The following HDAC1 variants were observed in gnomAD, a reference collection of about 807,000 sequenced individuals.
HDAC1 encodes the protein protein deacetylase HDAC1.
A neutral mutation model predicts 65.5 loss-of-function variants in HDAC1; 18 were observed. The ratio of observed to expected loss-of-function variants is 0.27; its 90% CI spans 0.19 to 0.41. The LOEUF is 0.41. HDAC1 is among the 10% of genes least tolerant of loss of function. The pLI is 1.00. For synonymous variants in HDAC1, 211 were observed against 227.9 expected (o/e 0.93, Z 0.67); for missense variants, 373 against 625.2 (o/e 0.60, Z 4.30).
At chr1:32,292,313 G>T (rs1640708977) in intron 1 of HDAC1, 95 bp downstream of exon 1, 1 of 1,534,422 alleles carries the variant, frequency 6.5e-7, no homozygotes, top group African/African-American at 1.4e-5. Context: ...GCTGCGGGAG[G>T]CTGAGGCGCT....
Position 32,333,211 on chromosome 1 carries a change from T to C in HDAC1, c.*167T>C. On this transcript the variant is annotated 3_prime_UTR_variant, in exon 14 of 14. Coordinates refer to ENST00000373548, the MANE Select transcript of HDAC1 (RefSeq NM_004964.3). ...CCGAGCTCAGGGCAGCTGTGCTGGG[T>C]GAGCTCTTCCAGGAGCCACCTTGCC... is the stretch of plus-strand genomic sequence containing the variant. 1.9e-6 allele frequency: 1 copy of C among 538,340 alleles called. No individual in the cohort carries two copies. The highest frequency in any genetic ancestry group is 3.2e-6 in the Non-Finnish European group (1 of 312,502). 33.3% of individuals were successfully genotyped at this position (538,340 alleles called of 1,614,324 possible). A position where few individuals can be genotyped will look rare whatever the true frequency, so the allele number is the denominator to read the frequency against.
intron 2 of HDAC1, among the ~76,000 whole-genome samples, chr1:32,308,341 G>A (rs569815926): frequency 6.6e-5 from 10 of 152,042 alleles, no homozygotes; most frequent in East Asian, 1.9e-4. Flanking sequence ...TATTTACTTC[G>A]TCAACAGGGT....
chr1:32,328,406 C>T (rs1202023720), intron 6 of HDAC1, among the ~76,000 whole-genome samples: 1 of 152,094 alleles, frequency 6.6e-6, no homozygotes, highest in African/African-American at 2.4e-5. Context: ...CCGCCTCCCG[C>T]CTCCAGGCGA....
At chr1:32,321,934 T>C (rs944296653) in intron 3 of HDAC1, among the ~76,000 whole-genome samples, 1 of 152,142 alleles carries the variant, frequency 6.6e-6, no homozygotes, top group Non-Finnish European at 1.5e-5. Context: ...TCCCAGTGTT[T>C]ACCCAGGAAG....
rs889028942 is a variant in HDAC1, at chr1:32,330,989, G to T, written c.979+81G>T. On this transcript the variant is annotated intron_variant, in intron 9 of 13. Transcript: ENST00000373548. This position sits in a 1 kb window ranked among gnomAD's most constrained non-coding sequence, Gnocchi z 4.2. The stretch of plus-strand genomic sequence containing the variant: ...TCCTTAAGTTTATAACCCCTTCCCC[G>T]TTGGTCATATGACCGCTCCTCTTCT... 4 of 1,390,654 alleles carry T rather than the reference G, an allele frequency of 2.9e-6. No individual in the cohort carries two copies. The highest frequency in any genetic ancestry group is 3.0e-6 in the Non-Finnish European group (3 of 988,344). 86.1% of individuals were successfully genotyped at this position (1,390,654 alleles called of 1,614,324 possible).
At chr1:32,318,076 C>T (rs759312461) in intron 3 of HDAC1, among the ~76,000 whole-genome samples, 4 of 152,228 alleles carry the variant, frequency 2.6e-5, no homozygotes, top group Non-Finnish European at 5.9e-5. Flanking sequence ...TATCCTGCCT[C>T]AGCCTCCTGA....
chr1:32,320,109 A>G (rs1046728487), intron 3 of HDAC1, among the ~76,000 whole-genome samples: 1 of 151,836 alleles, frequency 6.6e-6, no homozygotes, highest in African/African-American at 2.4e-5. Context: ...GGTCCCAGCT[A>G]CTCGGGAGGC....
chr1:32,297,104 A>C (rs1640777238), intron 1 of HDAC1, among the ~76,000 whole-genome samples: 1 of 152,106 alleles, frequency 6.6e-6, no homozygotes, highest in South Asian at 2.1e-4. Flanking sequence ...GCTTTTGCAA[A>C]AGTGGGGGGC....
In HDAC1 at chr1:32,314,020, T is replaced by C. The variant is rs902959584; in HGVS notation, c.163-2645T>C. ...TACAGATGCACAACAATAAAAGATG[T>C]GATACAGAAACACTCAGCGAGCCTG... On this transcript the variant is annotated intron_variant, in intron 2 of 13. Coordinates refer to ENST00000373548, the MANE Select transcript of HDAC1 (RefSeq NM_004964.3). Among the ~76,000 whole-genome samples, 10 of 152,328 alleles carry C rather than the reference T, an allele frequency of 6.6e-5. 1 individual carries two copies. In the East Asian group the frequency reaches 1.9e-3, roughly 29 times the overall value.
At chr1:32,304,450 G>T (rs967168721) in intron 2 of HDAC1, among the ~76,000 whole-genome samples, 1 of 152,194 alleles carries the variant, frequency 6.6e-6, no homozygotes, top group Non-Finnish European at 1.5e-5. Context: ...GCAGGCTGGA[G>T]TGCAGTGGTG....
At chr1:32,300,873 T>C (rs1330054258) in intron 1 of HDAC1, among the ~76,000 whole-genome samples, 1 of 152,148 alleles carries the variant, frequency 6.6e-6, no homozygotes, top group Non-Finnish European at 1.5e-5. Flanking sequence ...TATGCTTGGG[T>C]GTCTGTGGCA....
rs773274295 is a variant in HDAC1, at chr1:32,327,042, C to T, written c.459C>T (p.Val153=). The T allele has an allele frequency of 1.9e-6, 3 of 1,614,164 alleles. No individual in the cohort carries two copies. Among genetic ancestry groups the T allele is most frequent in the Non-Finnish European group, 2.5e-6 (3 of 1,180,024 alleles). The change falls in exon 5 of 14, where the codon GTC becomes GTT. Residue 153 remains valine (V), a synonymous_variant. Coordinates refer to ENST00000373548, the MANE Select transcript of HDAC1 (RefSeq NM_004964.3). This position sits in a 1 kb window ranked among gnomAD's most constrained non-coding sequence, Gnocchi z 6.0. ...CCGAGGCATCTGGCTTCTGTTACGT[C>T]AATGATATCGTCTTGGCCATCCTGG... ...KKSEASGFCY[V]NDIVLAILEL...
At chr1:32,310,128 C>T (rs1345846490) in intron 2 of HDAC1, among the ~76,000 whole-genome samples, 6 of 152,212 alleles carry the variant, frequency 3.9e-5, no homozygotes, top group Non-Finnish European at 8.8e-5. Context: ...CAAATTCCCT[C>T]ATGGCAGCCA....
chr1:32,295,572 G>C (rs529952313), intron 1 of HDAC1, among the ~76,000 whole-genome samples: 1 of 152,152 alleles, frequency 6.6e-6, no homozygotes, highest in Non-Finnish European at 1.5e-5. Context: ...AGGTGGAAAG[G>C]CAAAAAAGGA....
At position 32,330,892 on chromosome 1, in the gene HDAC1, T is replaced by C; in HGVS notation, c.963T>C (p.Asp321=). ...CWTYETAVAL[D]TEIPNELPYN... ...CATATGAGACAGCTGTGGCCCTGGA[T>C]ACGGAGATCCCTAATGGTAATAGCT... is the stretch of plus-strand genomic sequence containing the variant. Residue 321 remains aspartate (D), a synonymous_variant, in exon 9 of 14, where the codon GAT becomes GAC. Coordinates refer to ENST00000373548, the MANE Select transcript of HDAC1 (RefSeq NM_004964.3). The surrounding 1 kb of genome is among the most constrained non-coding windows in gnomAD (Gnocchi z 4.2). The C allele has an allele frequency of 3.7e-6, 6 of 1,614,162 alleles. No homozygotes were observed. The highest frequency in any genetic ancestry group is 2.2e-5 in the South Asian group (2 of 91,084).
At chr1:32,332,911 C>G (rs923601603) in intron 13 of HDAC1, 106 bp from the exon 14 acceptor site, 19 of 1,283,586 alleles carry the variant, frequency 1.5e-5, no homozygotes, top group Non-Finnish European at 2.1e-5. Flanking sequence ...AGCTAGGAGC[C>G]CCAGCCCCCA....
chr1:32,327,231 G>A lies in HDAC1; in HGVS notation c.494+154G>A. ...GTCTCTGGCCATCATCTCCTTGATG[G>A]GGTCTTGGTTTGATCTGAGCCACGG... On this transcript the variant is annotated intron_variant, in intron 5 of 13. Transcript: ENST00000373548. This position sits in a 1 kb window ranked among gnomAD's most constrained non-coding sequence, Gnocchi z 6.0. The A allele has an allele frequency of 1.4e-6, 1 of 732,116 alleles. No individual in the cohort carries two copies. The highest frequency in any genetic ancestry group is 2.3e-6 in the Non-Finnish European group (1 of 441,656). The allele number at this position is 732,116 out of a possible 1,614,324, so 45.4% of individuals were successfully genotyped here.
intron 2 of HDAC1, among the ~76,000 whole-genome samples, chr1:32,309,371 T>TTC (rs137943991): frequency 2.0e-5 from 3 of 151,350 alleles, no homozygotes; most frequent in Non-Finnish European, 3.0e-5. Context: ...TTTCTTCTCT[T>TTC]TCTCTCTCTC....
Position 32,292,125 on chromosome 1 carries a change from G to T in HDAC1, c.-45G>T. ...GGACGCTGAGCGGAGCCGCGGGCGG[G>T]AGGGCGGACGGACCGACTGACGGTA... On this transcript the variant is annotated 5_prime_UTR_variant, in exon 1 of 14. Coordinates refer to ENST00000373548, the MANE Select transcript of HDAC1 (RefSeq NM_004964.3). The T allele has an allele frequency of 6.5e-7, 1 of 1,541,860 alleles. No homozygotes were observed. The highest frequency in any genetic ancestry group is 8.8e-7 in the Non-Finnish European group (1 of 1,141,506).
Sources: gnomAD v4.1 joint callset for allele counts (sites outside exome capture counted in the v4.1 genomes callset) on GRCh38, gnomAD v4.1.1 for gene constraint, Gnocchi (gnomAD v3.1) non-coding constraint, MANE v1.5 for transcripts, NCBI Gene and HGNC (gene_info 2026-07-23, HGNC 2026-07-21) for gene names.